RFLNA: variants seen among roughly 807,000 people sequenced by gnomAD.
The protein encoded by RFLNA is refilin A, also known as refilin-A.
A neutral mutation model predicts 7.8 loss-of-function variants in RFLNA; 5 were observed. The observed-to-expected ratio is 0.64, with a 90% CI of 0.34 to 1.35. RFLNA has a LOEUF of 1.35. Ranked by LOEUF, RFLNA falls within the 40% of genes most tolerant of loss-of-function variation. RFLNA has a pLI of 0.04. For missense variants in RFLNA, 278 were observed against 305.5 expected (o/e 0.91, Z 0.67); for synonymous variants, 141 against 131.3 (o/e 1.07, Z -0.50).
At chr12:124,307,935 C>T (rs1336726737) in intron 1 of RFLNA, among the ~76,000 whole-genome samples, 1 of 151,970 alleles carries the variant, frequency 6.6e-6, no homozygotes, top group Non-Finnish European at 1.5e-5. Flanking sequence ...TGTGGTTGTG[C>T]CCCTGCCATC....
intron 1 of RFLNA, among the ~76,000 whole-genome samples, chr12:124,310,446 G>A (rs1475163279): frequency 6.6e-6 from 1 of 151,834 alleles, no homozygotes; most frequent in African/African-American, 2.4e-5. Flanking sequence ...CCAGAGGTCT[G>A]TTTTCAGCAT....
intron 1 of RFLNA, among the ~76,000 whole-genome samples, chr12:124,300,483 GCTT>G (rs2034007565): frequency 6.6e-6 from 1 of 152,190 alleles, no homozygotes; most frequent in Admixed American, 6.5e-5. Flanking sequence ...TCTCATTTCT[GCTT>G]CTTGTCTGTG....
intron 1 of RFLNA, among the ~76,000 whole-genome samples, chr12:124,300,230 G>A (rs1279950860): frequency 6.6e-6 from 1 of 152,212 alleles, no homozygotes; most frequent in Non-Finnish European, 1.5e-5. Context: ...TGGTGGCCTG[G>A]GCTCTGTCAC....
intron 1 of RFLNA, among the ~76,000 whole-genome samples, chr12:124,303,114 G>A (rs1317411662): frequency 6.6e-6 from 1 of 152,180 alleles, no homozygotes; most frequent in Non-Finnish European, 1.5e-5. Flanking sequence ...GTGTCGCCCA[G>A]GCTGTGCCTC....
At chr12:124,303,702 C>A (rs929089644) in intron 1 of RFLNA, among the ~76,000 whole-genome samples, 5 of 152,358 alleles carry the variant, frequency 3.3e-5, no homozygotes, top group Admixed American at 2.0e-4. Context: ...GTCCCCCAGC[C>A]CCAGGATGTG....
intron 1 of RFLNA, among the ~76,000 whole-genome samples, chr12:124,300,889 T>C (rs1223337629): frequency 1.6e-4 from 24 of 146,518 alleles, no homozygotes; most frequent in African/African-American, 5.6e-4. Flanking sequence ...GATGGGCAAA[T>C]AGAAGGATGG....
chr12:124,314,950 G>A lies in RFLNA; in HGVS notation c.*425G>A, dbSNP rs1593042975. 2.9e-6 allele frequency: 1 copy of A among 348,622 alleles called. No individual in the cohort carries two copies. The allele number at this position is 348,622 out of a possible 1,614,324, so 21.6% of individuals were successfully genotyped here. ...CCCCCAGAGCCCTGCCACCCCATGT[G>A]TCCTAGGCTGGTGGCCAAGGCCATG... On this transcript the variant is annotated 3_prime_UTR_variant, in exon 3 of 3. Coordinates refer to ENST00000546355, the MANE Select transcript of RFLNA (RefSeq NM_001365156.1).
chr12:124,293,076 A>T (rs1278369926), upstream of RFLNA, among the ~76,000 whole-genome samples: 1 of 152,054 alleles, frequency 6.6e-6, no homozygotes, highest in Non-Finnish European at 1.5e-5. Flanking sequence ...GGCGCCCGCC[A>T]CCACGCCCGG....
intron 1 of RFLNA, among the ~76,000 whole-genome samples, chr12:124,300,930 GGATGGATGGATGGAAGGATGGATGGATT>G (rs1420673932): frequency 7.3e-4 from 111 of 151,956 alleles, no homozygotes; most frequent in African/African-American, 2.6e-3. Flanking sequence ...ATGGATGGAT[GGATGGATGGATGGAAGGATGGATGGATT>G]GATGGATGGA....
rs1460882625 is a variant in RFLNA at position 124,306,073 on chromosome 12, G to C, written c.208-5745G>C. 2.6e-5 allele frequency among the ~76,000 whole-genome samples: 4 copies of C among 152,158 alleles called. No homozygotes were observed. The East Asian group carries it at 7.7e-4, about 29-fold the overall frequency. On this transcript the variant is annotated intron_variant, in intron 1 of 2. Coordinates refer to ENST00000546355, the MANE Select transcript of RFLNA (RefSeq NM_001365156.1). This position sits in a 1 kb window ranked among gnomAD's most constrained non-coding sequence, Gnocchi z 5.2. ...GTCCACAGACTGCTGCCAAACTTGA[G>C]GACAGGTATGGGCCCATACTCGGGG...
chr12:124,301,582 A>G (rs1278257338), intron 1 of RFLNA, among the ~76,000 whole-genome samples: 1 of 152,090 alleles, frequency 6.6e-6, no homozygotes, highest in East Asian at 1.9e-4. Context: ...TCCAGAGGGG[A>G]TATTTGTCCA....
intron 1 of RFLNA, among the ~76,000 whole-genome samples, chr12:124,303,632 T>G (rs1456026847): frequency 6.6e-6 from 1 of 152,182 alleles, no homozygotes; most frequent in Non-Finnish European, 1.5e-5. Flanking sequence ...TCCCAGAGCT[T>G]CCAGGCGGAT....
At position 124,311,596 on chromosome 12, in the gene RFLNA, G is replaced by A. The variant is rs952408297; in HGVS notation, c.208-222G>A. On this transcript the variant is annotated intron_variant, in intron 1 of 2. Coordinates refer to ENST00000546355, the MANE Select transcript of RFLNA (RefSeq NM_001365156.1). ...CTGGGAGCTGGAGGACAGGCTGGTG[G>A]TGGAGAGCTGGGCAGATCCCTGAAT... The A allele has an allele frequency of 2.9e-5, 13 of 447,680 alleles. No homozygotes were observed. The Admixed American group carries it at 4.8e-4, about 17-fold the overall frequency. 27.7% of individuals were successfully genotyped at this position (447,680 alleles called of 1,614,324 possible). A position where few individuals can be genotyped will look rare whatever the true frequency, so the allele number is the denominator to read the frequency against.
intron 1 of RFLNA, among the ~76,000 whole-genome samples, chr12:124,297,398 G>A (rs561771936): frequency 6.6e-6 from 1 of 152,226 alleles, no homozygotes; most frequent in South Asian, 2.1e-4. Context: ...TTCCTCATGG[G>A]TTATGATACT....
intron 1 of RFLNA, among the ~76,000 whole-genome samples, chr12:124,300,689 T>C (rs2034013301): frequency 7.2e-6 from 1 of 138,684 alleles, no homozygotes; most frequent in Non-Finnish European, 1.6e-5. Context: ...GATGGGCAAA[T>C]AGATAGAAGG....
In RFLNA at chr12:124,314,197, A is replaced by C; in HGVS notation, c.323A>C (p.Asn108Thr). The change falls in exon 3 of 3, where the codon AAC becomes ACC. Residue 108 changes from asparagine to threonine, a missense_variant. Transcript: ENST00000546355. ...NPEPTHEIRC[N>T]SEVKYASEKH... ...TTCCCTCCTGCCCTTTCCAGCTGCA[A>C]CTCTGAGGTCAAGTACGCCTCGGAG... The C allele has an allele frequency of 6.2e-7, 1 of 1,609,680 alleles. No individual in the cohort carries two copies. The highest frequency in any genetic ancestry group is 8.5e-7 in the Non-Finnish European group (1 of 1,177,140).
upstream of RFLNA, among the ~76,000 whole-genome samples, chr12:124,290,957 T>C (rs1441543776): frequency 6.6e-6 from 1 of 152,182 alleles, no homozygotes; most frequent in Non-Finnish European, 1.5e-5. This position sits in a 1 kb window ranked among gnomAD's most constrained non-coding sequence, Gnocchi z 4.0. Flanking sequence ...ACCCCTTCCT[T>C]GTCTGTAAGC....
Position 124,295,578 on chromosome 12 carries a change from CG to C in RFLNA, c.150del (p.Arg51AlafsTer32), listed in dbSNP as rs2033893260. The C allele has an allele frequency of 1.4e-5, 17 of 1,215,362 alleles. No homozygotes were observed. The highest frequency in any genetic ancestry group is 2.0e-6 in the Non-Finnish European group (2 of 980,584). 75.3% of individuals were successfully genotyped at this position (1,215,362 alleles called of 1,614,324 possible). A position where few individuals can be genotyped will look rare whatever the true frequency, so the allele number is the denominator to read the frequency against. Reference sequence around the variant, plus strand: ...TCCCTGGCGCCCGGCATCCTCGACGCGCGCGCGGGGGGCGCCGGCGCCTCCT... The same window carrying C: ...TCCCTGGCGCCCGGCATCCTCGACGCCGCGCGGGGGGCGCCGGCGCCTCCT... Reference protein sequence around the residue: ...FYSLAPGILDARAGGAGASSE... With the variant: ...FYSLAPGILDXRAGGAGASSE... On this transcript the variant is annotated frameshift_variant, in exon 1 of 3. Coordinates refer to ENST00000546355, the MANE Select transcript of RFLNA (RefSeq NM_001365156.1). LOFTEE classifies it high-confidence loss of function.
rs539001422 is a variant in RFLNA, at chr12:124,311,651, GGGCTTCCTGATGGGCCCCACAAAGC to G, written c.208-146_208-122del. 430 of 562,148 alleles carry G rather than the reference GGGCTTCCTGATGGGCCCCACAAAGC, an allele frequency of 7.6e-4. 3 individuals are homozygous for G. In the East Asian group the frequency reaches 0.012, roughly 16 times the overall value. 34.8% of individuals were successfully genotyped at this position (562,148 alleles called of 1,614,324 possible). Reference sequence around the variant, plus strand: ...GGATCCCATGGAGGGCGTCTGGGGTGGGCTTCCTGATGGGCCCCACAAAGCGGCTTCCTGATGGGCCCCACCAAGC... The same window carrying G: ...GGATCCCATGGAGGGCGTCTGGGGTGGGCTTCCTGATGGGCCCCACCAAGC... On this transcript the variant is annotated intron_variant, in intron 1 of 2. Transcript: ENST00000546355.
Sources: gnomAD v4.1 joint callset for allele counts (sites outside exome capture counted in the v4.1 genomes callset) on GRCh38, gnomAD v4.1.1 for gene constraint, Gnocchi (gnomAD v3.1) non-coding constraint, MANE v1.5 for transcripts, NCBI Gene and HGNC (gene_info 2026-07-23, HGNC 2026-07-21) for gene names.